The following WDFY3 variants were observed in gnomAD, a reference collection of about 807,000 sequenced individuals.
WDFY3 encodes the protein WD repeat and FYVE domain containing 3, also known as WD repeat and FYVE domain-containing protein 3.
WDFY3 carries 66 observed loss-of-function variants against 409.6 expected under a neutral mutation model. The observed-to-expected ratio is 0.16, with a 90% CI of 0.13 to 0.20. The LOEUF is 0.20. Among genes scored for constraint, WDFY3 ranks in the 10% least tolerant of loss-of-function variants. The pLI is 1.00. For missense variants in WDFY3, 3,031 were observed against 4,298.1 expected, an observed-to-expected ratio of 0.71 and a Z score of 8.24; for synonymous variants, 1,521 against 1,537.1, an observed-to-expected ratio of 0.99 and a Z score of 0.25.
At chr4:84,838,639 G>A (rs1756918716) in intron 6 of WDFY3, among the ~76,000 whole-genome samples, 1 of 152,148 alleles carries the variant, frequency 6.6e-6, no homozygotes, top group Non-Finnish European at 1.5e-5. Flanking sequence ...TCCCTGGCAA[G>A]ATGTGGCCCC....
At chr4:84,929,597 A>T (rs1770475835) in intron 2 of WDFY3, among the ~76,000 whole-genome samples, 1 of 151,976 alleles carries the variant, frequency 6.6e-6, no homozygotes, top group African/African-American at 2.4e-5. Context: ...CTAATCCAGT[A>T]TGACTGGGGT....
intron 17 of WDFY3, 60 bp from the exon 18 acceptor site, chr4:84,798,168 C>T: frequency 7.4e-7 from 1 of 1,355,132 alleles, no homozygotes; most frequent in Non-Finnish European, 1.0e-6. Context: ...ATTCATTAAC[C>T]AAATATTCAG....
chr4:84,758,878 C>G (rs1051617027), intron 32 of WDFY3, among the ~76,000 whole-genome samples: 3 of 152,110 alleles, frequency 2.0e-5, no homozygotes, highest in African/African-American at 7.2e-5. Flanking sequence ...AGTCCTTGCC[C>G]GTGCCTATGT....
chr4:84,812,184 A>T (rs1399593399), intron 13 of WDFY3, among the ~76,000 whole-genome samples: 1 of 152,252 alleles, frequency 6.6e-6, no homozygotes, highest in Non-Finnish European at 1.5e-5. Flanking sequence ...TGTAAATAAA[A>T]TATAAAAACA....
intron 6 of WDFY3, among the ~76,000 whole-genome samples, chr4:84,839,753 G>C (rs1011894079): frequency 6.6e-6 from 1 of 152,004 alleles, no homozygotes; most frequent in South Asian, 2.1e-4. Flanking sequence ...AGCTACTCGG[G>C]AGGCTGAGGC....
At chr4:84,676,885 T>C (rs1226618863) in intron 67 of WDFY3, among the ~76,000 whole-genome samples, 1 of 152,156 alleles carries the variant, frequency 6.6e-6, no homozygotes, top group African/African-American at 2.4e-5. Flanking sequence ...TGGTGAAAGG[T>C]GCAAAGAGGA....
chr4:84,780,320 ATAAT>A, intron 25 of WDFY3, 22 bp from the exon 26 acceptor site: 1 of 1,584,222 alleles, frequency 6.3e-7, no homozygotes, highest in East Asian at 2.3e-5. Context: ...ATAGTGAAAA[ATAAT>A]TAAGATAAAT....
rs185967266 is a variant in WDFY3, at chr4:84,934,823, C to T, written c.-225-2460G>A. Among the ~76,000 whole-genome samples, 840 of 152,174 alleles carry T rather than the reference C, an allele frequency of 5.5e-3. 7 individuals carry two copies. Among genetic ancestry groups the T allele is most frequent in the Non-Finnish European group, 9.9e-3 (674 of 67,962 alleles). On this transcript the variant is annotated intron_variant, in intron 1 of 67. Coordinates refer to ENST00000295888, the MANE Select transcript of WDFY3 (RefSeq NM_014991.6). ...TTCCATGCTCCACCTCTCTTATCCC[C>T]ACCACCCCCTGTAACCGCAATCCTG... is the stretch of plus-strand genomic sequence containing the variant.
At chr4:84,849,335 T>C (rs1001991485) in intron 5 of WDFY3, among the ~76,000 whole-genome samples, 1 of 151,824 alleles carries the variant, frequency 6.6e-6, no homozygotes, top group Non-Finnish European at 1.5e-5. Context: ...AAAACAGTAG[T>C]TCAGAACAGA....
intron 31 of WDFY3, 54 bp downstream of exon 31, chr4:84,766,198 G>A: frequency 6.5e-7 from 1 of 1,530,850 alleles, no homozygotes; most frequent in Non-Finnish European, 8.8e-7. Context: ...TGCCTAACAT[G>A]AATTAACTAG....
intron 5 of WDFY3, among the ~76,000 whole-genome samples, chr4:84,845,207 T>A (rs144669451): frequency 1.6e-4 from 25 of 152,198 alleles, no homozygotes; most frequent in Non-Finnish European, 2.5e-4. Context: ...AAGAATAATC[T>A]TGTTCTGGTG....
At chr4:84,950,903 C>T (rs1483049144) in intron 1 of WDFY3, among the ~76,000 whole-genome samples, 1 of 152,206 alleles carries the variant, frequency 6.6e-6, no homozygotes, top group Admixed American at 6.5e-5. Flanking sequence ...TCAGCTTATA[C>T]TGCAATACAA....
chr4:84,951,410 A>T (rs1773594200), intron 1 of WDFY3, among the ~76,000 whole-genome samples: 1 of 152,228 alleles, frequency 6.6e-6, no homozygotes, highest in African/African-American at 2.4e-5. Flanking sequence ...AGCAGTCTTT[A>T]CTAATTTAAT....
At chr4:84,800,933 G>C (rs908386964) in intron 17 of WDFY3, among the ~76,000 whole-genome samples, 7 of 152,108 alleles carry the variant, frequency 4.6e-5, no homozygotes, top group Non-Finnish European at 1.0e-4. Context: ...GTTCCTAACA[G>C]GACATGGACC....
chr4:84,724,739 CTT>C lies in WDFY3; in HGVS notation c.7273-147_7273-146del, dbSNP rs1295002682. ...TGTATGTATATACAGTAAATCCACACTTTTGGGTTAAGTTTCTCTATTTTAAA... is the reference window on the plus strand; with the variant it reads ...TGTATGTATATACAGTAAATCCACACTTGGGTTAAGTTTCTCTATTTTAAA... On this transcript the variant is annotated intron_variant, in intron 45 of 67. Coordinates refer to ENST00000295888, the MANE Select transcript of WDFY3 (RefSeq NM_014991.6). 9 of 769,686 alleles carry C rather than the reference CTT, an allele frequency of 1.2e-5. No individual in the cohort carries two copies. In the Admixed American group the frequency reaches 1.2e-4, roughly 10 times the overall value. 47.7% of individuals were successfully genotyped at this position (769,686 alleles called of 1,614,324 possible). A position where few individuals can be genotyped will look rare whatever the true frequency, so the allele number is the denominator to read the frequency against.
Position 84,870,160 on chromosome 4 carries a change from T to C in WDFY3, c.-31-9538A>G, listed in dbSNP as rs559650724. ...TTCACGGTACATCCATGTCATGGAA[T>C]ACTGTTAAAAGAACATGTACTAATA... On this transcript the variant is annotated intron_variant, in intron 3 of 67. Transcript: ENST00000295888. Among the ~76,000 whole-genome samples the C allele has an allele frequency of 2.0e-5, 3 of 152,338 alleles. No homozygotes were observed. The South Asian group carries it at 6.2e-4, about 32-fold the overall frequency.
rs1725384986 is a variant in WDFY3 at position 84,671,136 on chromosome 4, A to G, written c.*1732T>C. 6.6e-6 allele frequency: 1 copy of G among 152,604 alleles called. No homozygotes were observed. The highest frequency in any genetic ancestry group is 2.4e-5 in the African/African-American group (1 of 41,446). 9.5% of individuals were successfully genotyped at this position (152,604 alleles called of 1,614,324 possible). The stretch of plus-strand genomic sequence containing the variant: ...TTGGAGACCTAGTTATCATATCAGG[A>G]AGAACAAATTTGTTCTTAAGCTGGT... On this transcript the variant is annotated 3_prime_UTR_variant, in exon 68 of 68. Coordinates refer to ENST00000295888, the MANE Select transcript of WDFY3 (RefSeq NM_014991.6).
At chr4:84,783,858 T>TACAC (rs1265652566) in intron 24 of WDFY3, among the ~76,000 whole-genome samples, 35 of 129,718 alleles carry the variant, frequency 2.7e-4, no homozygotes, top group African/African-American at 1.0e-3. Context: ...ATATGTGTCA[T>TACAC]ACATACACAC....
chr4:84,682,547 A>G, intron 63 of WDFY3, 77 bp from the exon 64 acceptor site: 1 of 1,128,880 alleles, frequency 8.9e-7, no homozygotes, highest in Non-Finnish European at 1.3e-6. Context: ...CAATGAAGAG[A>G]GACTGTCAGG....
Sources: gnomAD v4.1 joint callset for allele counts (sites outside exome capture counted in the v4.1 genomes callset) on GRCh38, gnomAD v4.1.1 for gene constraint, MANE v1.5 for transcripts, NCBI Gene and HGNC (gene_info 2026-07-23, HGNC 2026-07-21) for gene names.